NFASC: variants seen among roughly 807,000 people sequenced by gnomAD.
NFASC encodes neurofascin homolog.
Under a neutral mutation model 147.5 loss-of-function variants are expected in NFASC, and 43 were observed. The observed-to-expected ratio is 0.29, with a 90% CI of 0.23 to 0.38. The LOEUF (loss-of-function observed/expected upper bound fraction) is 0.38. Ranked by LOEUF, NFASC falls within the 10% of genes least tolerant of loss-of-function variation. The probability of loss-of-function intolerance (pLI) is 1.00; values close to 1 mark genes in which losing one functional copy is unlikely to be tolerated. For synonymous variants in NFASC, 622 were observed against 665.5 expected, an observed-to-expected ratio of 0.93 and a Z score of 1.01; for missense variants, 1,320 against 1,689.0, an observed-to-expected ratio of 0.78 and a Z score of 3.83.
chr1:204,965,589 C>G (rs183811421), intron 8 of NFASC, among the ~76,000 whole-genome samples: 1 of 152,066 alleles, frequency 6.6e-6, no homozygotes, highest in Non-Finnish European at 1.5e-5. Context: ...ACCTTGGGCC[C>G]GAGTTTTTTT....
chr1:204,872,514 TGTGTGTGGTCAACTCAACCGCA>T (rs2077908823), intron 1 of NFASC, among the ~76,000 whole-genome samples: 1 of 152,202 alleles, frequency 6.6e-6, no homozygotes, highest in African/African-American at 2.4e-5. Context: ...AGCGCAGGCT[TGTGTGTGGTCAACTCAACCGCA>T]GTCAGCCGGC....
intron 1 of NFASC, among the ~76,000 whole-genome samples, chr1:204,900,563 G>A (rs1206055735): frequency 6.6e-6 from 1 of 152,176 alleles, no homozygotes; most frequent in Non-Finnish European, 1.5e-5. Context: ...GTCTCTCAAG[G>A]AACTTATTTT....
chr1:204,839,295 C>T (rs888327456), intron 1 of NFASC, among the ~76,000 whole-genome samples: 2 of 151,188 alleles, frequency 1.3e-5, no homozygotes, highest in Non-Finnish European at 2.9e-5. Context: ...CTCAGTACTG[C>T]GGGCATTGAC....
Position 204,846,810 on chromosome 1 carries a change from G to A in NFASC, c.-200+18028G>A, listed in dbSNP as rs576788894. On this transcript the variant is annotated intron_variant, in intron 1 of 29. Coordinates refer to ENST00000339876, the MANE Select transcript of NFASC (RefSeq NM_001005388.3). ...TGTGTGGCTGCTGGCTAGCTTGCTT[G>A]TTCATTATTTGTTTTGTGGAGGCTG... is the stretch of plus-strand genomic sequence containing the variant. Among the ~76,000 whole-genome samples, 8 of 152,246 alleles carry A rather than the reference G, an allele frequency of 5.3e-5. No individual in the cohort carries two copies. The East Asian group carries it at 1.2e-3, about 22-fold the overall frequency.
At chr1:204,879,241 AG>A (rs1003884889) in intron 1 of NFASC, among the ~76,000 whole-genome samples, 5 of 152,242 alleles carry the variant, frequency 3.3e-5, no homozygotes, top group African/African-American at 7.2e-5. Flanking sequence ...ACTCTCAAAA[AG>A]TTTGTGGGAC....
intron 1 of NFASC, among the ~76,000 whole-genome samples, chr1:204,889,568 G>A (rs188838410): frequency 5.9e-5 from 9 of 152,246 alleles, no homozygotes; most frequent in South Asian, 2.1e-4. Flanking sequence ...ATAGTCTTAC[G>A]GTGTTCACTT....
In NFASC at chr1:204,880,300, G is replaced by A. The variant is rs1401391929; in HGVS notation, c.-199-40332G>A. Among the ~76,000 whole-genome samples, 3 of 152,156 alleles carry A rather than the reference G, an allele frequency of 2.0e-5. No individual in the cohort carries two copies. The East Asian group carries it at 5.8e-4, about 29-fold the overall frequency. Reference sequence around the variant, plus strand: ...TCTTAGGAATGAAGAAAAAAGAAGTGTAGCAATTGGCATTTTAATGTAATT... The same window carrying A: ...TCTTAGGAATGAAGAAAAAAGAAGTATAGCAATTGGCATTTTAATGTAATT... On this transcript the variant is annotated intron_variant, in intron 1 of 29. Transcript: ENST00000339876.
intron 1 of NFASC, among the ~76,000 whole-genome samples, chr1:204,830,700 A>C (rs1671981978): frequency 6.6e-6 from 1 of 151,602 alleles, no homozygotes; most frequent in Admixed American, 6.6e-5. Context: ...AAGGAAAGAG[A>C]CTCACTCCCA....
intron 1 of NFASC, among the ~76,000 whole-genome samples, chr1:204,843,595 C>T (rs1196908244): frequency 1.2e-5 from 1 of 83,996 alleles, no homozygotes; most frequent in African/African-American, 6.0e-5. Context: ...CTTCTTCCTT[C>T]CTTCCTTCCT....
chr1:204,867,410 C>CAG (rs1491222243), intron 1 of NFASC, among the ~76,000 whole-genome samples: 1 of 3,454 alleles, frequency 2.9e-4, no homozygotes, highest in African/African-American at 1.7e-3. Context: ...CAGAACTCAC[C>CAG]ACACACACAC....
At chr1:204,858,656 C>T (rs1307654035) in intron 1 of NFASC, among the ~76,000 whole-genome samples, 1 of 152,158 alleles carries the variant, frequency 6.6e-6, no homozygotes, top group African/African-American at 2.4e-5. Flanking sequence ...TCCGCTCCCC[C>T]TCCTGCCTTC....
chr1:204,847,257 A>C (rs1191564068), intron 1 of NFASC, among the ~76,000 whole-genome samples: 2 of 152,164 alleles, frequency 1.3e-5, no homozygotes, highest in African/African-American at 4.8e-5. Context: ...CCAGATATTC[A>C]AAGCTTACTA....
chr1:204,966,256 A>G (rs1436038676), intron 8 of NFASC, among the ~76,000 whole-genome samples: 2 of 152,078 alleles, frequency 1.3e-5, no homozygotes, highest in African/African-American at 4.8e-5. Context: ...CCTCCTTCCC[A>G]TCATTATTGC....
At position 204,968,603 on chromosome 1, in the gene NFASC, G is replaced by T. The variant is rs1032715292; in HGVS notation, c.819-195G>T. On this transcript the variant is annotated intron_variant, in intron 9 of 29. Transcript: ENST00000339876. This position sits in a 1 kb window ranked among gnomAD's most constrained non-coding sequence, Gnocchi z 5.4. ...CATCCCGTAGATGCGTTAGAATCTCGTGGGACCTTAGCTAAGCCTTCAGGC... is the reference window on the plus strand; with the variant it reads ...CATCCCGTAGATGCGTTAGAATCTCTTGGGACCTTAGCTAAGCCTTCAGGC... 2.1e-5 allele frequency: 13 copies of T among 622,508 alleles called. No individual in the cohort carries two copies. The highest frequency in any genetic ancestry group is 3.4e-5 in the Non-Finnish European group (12 of 357,210). 38.6% of individuals were successfully genotyped at this position (622,508 alleles called of 1,614,324 possible). A position where few individuals can be genotyped will look rare whatever the true frequency, so the allele number is the denominator to read the frequency against.
Position 204,986,209 on chromosome 1 carries a change from C to T in NFASC, c.2471-1209C>T. 1 of 884,836 alleles carries T rather than the reference C, an allele frequency of 1.1e-6. No homozygotes were observed. 54.8% of individuals were successfully genotyped at this position (884,836 alleles called of 1,614,324 possible). On this transcript the variant is annotated intron_variant, in intron 21 of 29. Transcript: ENST00000339876. The surrounding 1 kb of genome is among the most constrained non-coding windows in gnomAD (Gnocchi z 4.2). ...CTCCAGCGTGGCTCAGCATGGATGG[C>T]ACAAGGTGACTTCTGCGAGGCCTCC... is the stretch of plus-strand genomic sequence containing the variant.
rs1574080295 is a variant in NFASC, at chr1:204,980,452, T to C, written c.2247+12T>C. On this transcript the variant is annotated intron_variant, in intron 20 of 29. Coordinates refer to ENST00000339876, the MANE Select transcript of NFASC (RefSeq NM_001005388.3). ...AGATCACGTGGACGGTAAGAGGCCC[T>C]CCCAGCCCCAGTGGAGCAGCTCACC... The C allele has an allele frequency of 6.2e-7, 1 of 1,604,940 alleles. No homozygotes were observed. Among genetic ancestry groups the C allele is most frequent in the Non-Finnish European group, 8.5e-7 (1 of 1,173,914 alleles).
intron 1 of NFASC, among the ~76,000 whole-genome samples, chr1:204,838,098 T>A (rs1313851837): frequency 6.6e-6 from 1 of 152,184 alleles, no homozygotes; most frequent in African/African-American, 2.4e-5. Flanking sequence ...AAATGAAACA[T>A]CTAAATGCTT....
chr1:204,862,166 A>G (rs1205070562), intron 1 of NFASC, among the ~76,000 whole-genome samples: 1 of 152,216 alleles, frequency 6.6e-6, no homozygotes, highest in Non-Finnish European at 1.5e-5. Context: ...TTTTGACACT[A>G]AACAGTATTC....
chr1:204,954,701 T>C lies in NFASC; in HGVS notation c.413-128T>C. 1 of 1,158,382 alleles carries C rather than the reference T, an allele frequency of 8.6e-7. No homozygotes were observed. Among genetic ancestry groups the C allele is most frequent in the South Asian group, 1.4e-5 (1 of 68,968 alleles). 71.8% of individuals were successfully genotyped at this position (1,158,382 alleles called of 1,614,324 possible). On this transcript the variant is annotated intron_variant, in intron 6 of 29. Transcript: ENST00000339876. The surrounding 1 kb of genome is among the most constrained non-coding windows in gnomAD (Gnocchi z 5.7). ...AGTAGGCTCACGTGCCCCGTCCCTC[T>C]CTCTTGCTCCCTCCTTCTCCAGGTG...
Sources: allele counts gnomAD v4.1 joint callset (sites outside exome capture counted in the v4.1 genomes callset), GRCh38; gene constraint gnomAD v4.1.1; non-coding constraint Gnocchi (gnomAD v3.1); transcripts MANE v1.5; gene names NCBI Gene and HGNC (gene_info 2026-07-23, HGNC 2026-07-21).